Variants in LARGE1 observed in about 807,000 individuals in gnomAD.
The protein encoded by LARGE1 is LARGE xylosyl- and glucuronyltransferase 1, also known as xylosyl- and glucuronyltransferase LARGE1.
A neutral mutation model predicts 87.6 loss-of-function variants in LARGE1; 43 were observed. The ratio of observed to expected loss-of-function variants is 0.49; its 90% confidence interval spans 0.38 to 0.63. The LOEUF (loss-of-function observed/expected upper bound fraction) is 0.63, where lower values mean the gene tolerates loss of function less well. LARGE1 is among the 30% of genes least tolerant of loss of function. LARGE1 has a pLI of 0.00. For synonymous variants in LARGE1, 434 were observed against 394.6 expected (o/e 1.10, Z -1.18); for missense variants, 802 against 1,000.2 (o/e 0.80, Z 2.67).
intron 11 of LARGE1, among the ~76,000 whole-genome samples, chr22:33,170,117 C>A (rs1441965638): frequency 6.6e-6 from 1 of 152,010 alleles, no homozygotes; most frequent in Non-Finnish European, 1.5e-5. Context: ...GTGACACATG[C>A]CAGCACTTTG....
chr22:33,540,371 T>C (rs2077159117), intron 6 of LARGE1, among the ~76,000 whole-genome samples: 1 of 152,208 alleles, frequency 6.6e-6, no homozygotes, highest in African/African-American at 2.4e-5. Context: ...TGTGTGTGCT[T>C]GATCCTATGA....
chr22:33,166,779 G>A (rs1922297644), exon 12 of LARGE1: 1 of 471,424 alleles, frequency 2.1e-6, no homozygotes, highest in Non-Finnish European at 4.4e-6. Flanking sequence ...GCATGTGTTT[G>A]GAACTGTCGT....
chr22:33,806,208 T>C (rs1218361323), intron 1 of LARGE1, among the ~76,000 whole-genome samples: 1 of 152,194 alleles, frequency 6.6e-6, no homozygotes, highest in African/African-American at 2.4e-5. Flanking sequence ...ATCTCTTGTA[T>C]CTGACTTCTT....
intron 11 of LARGE1, among the ~76,000 whole-genome samples, chr22:33,254,424 G>T (rs1224143123): frequency 6.6e-6 from 1 of 152,188 alleles, no homozygotes; most frequent in Non-Finnish European, 1.5e-5. Flanking sequence ...GAGGTTGTGG[G>T]TCAGAGTTCC....
intron 1 of LARGE1, among the ~76,000 whole-genome samples, chr22:33,862,747 C>A (rs2063969451): frequency 6.6e-6 from 1 of 152,112 alleles, no homozygotes; most frequent in African/African-American, 2.4e-5. Context: ...AACATAAGTT[C>A]TTCTTGTGAG....
intron 2 of LARGE1, among the ~76,000 whole-genome samples, chr22:33,710,862 G>A (rs1335865292): frequency 6.6e-6 from 1 of 152,134 alleles, no homozygotes; most frequent in Admixed American, 6.5e-5. Context: ...GGGCATTAGA[G>A]TACACGATAA....
the LARGE1 span, among the ~76,000 whole-genome samples, chr22:33,143,810 TAAAC>T: frequency 6.6e-6 from 1 of 152,178 alleles, no homozygotes; most frequent in East Asian, 1.9e-4. Flanking sequence ...CATTAGTACA[TAAAC>T]AAGAGTATGA....
intron 11 of LARGE1, among the ~76,000 whole-genome samples, chr22:33,258,786 TGG>T (rs1353420494): frequency 1.3e-5 from 2 of 152,184 alleles, no homozygotes; most frequent in Non-Finnish European, 2.9e-5. Context: ...TTACCTCTCT[TGG>T]GGTCTGGATC....
intron 1 of LARGE1, among the ~76,000 whole-genome samples, chr22:33,845,166 T>C (rs1006855603): frequency 6.6e-5 from 10 of 152,288 alleles, no homozygotes; most frequent in Non-Finnish European, 1.3e-4. Context: ...TGAGTCTCTC[T>C]CCCTTACCTC....
chr22:33,226,254 A>G (rs1360585580), intron 11 of LARGE1, among the ~76,000 whole-genome samples: 1 of 152,160 alleles, frequency 6.6e-6, no homozygotes, highest in Non-Finnish European at 1.5e-5. Flanking sequence ...TTGCCTTGAA[A>G]TCATGTCTCT....
intron 5 of LARGE1, among the ~76,000 whole-genome samples, chr22:33,569,464 A>C (rs752905453): frequency 1.2e-4 from 18 of 152,248 alleles, no homozygotes; most frequent in Non-Finnish European, 1.9e-4. Flanking sequence ...AATTAAGTCC[A>C]AGTGTTCAAT....
intron 3 of LARGE1, among the ~76,000 whole-genome samples, chr22:33,639,806 T>C (rs1458319457): frequency 6.6e-6 from 1 of 152,156 alleles, no homozygotes; most frequent in East Asian, 1.9e-4. Flanking sequence ...CTGCTCCAAC[T>C]TCTGAGGCAC....
chr22:33,300,730 T>A (rs528323038), intron 12 of LARGE1, among the ~76,000 whole-genome samples: 3 of 152,186 alleles, frequency 2.0e-5, no homozygotes, highest in African/African-American at 7.2e-5. Flanking sequence ...TCAGTAGAGA[T>A]GGGGTTTCAC....
chr22:33,190,689 G>C (rs144129971), intron 11 of LARGE1, among the ~76,000 whole-genome samples: 1 of 152,286 alleles, frequency 6.6e-6, no homozygotes, highest in Admixed American at 6.5e-5. Context: ...GCAGATCTTG[G>C]TGGGGATGAA....
At chr22:33,611,943 C>G (rs1200216329) in intron 4 of LARGE1, among the ~76,000 whole-genome samples, 1 of 152,180 alleles carries the variant, frequency 6.6e-6, no homozygotes, top group Non-Finnish European at 1.5e-5. Flanking sequence ...CCTACTTTCA[C>G]CATGTGATGT....
At chr22:33,794,873 G>A (rs372433894) in intron 1 of LARGE1, among the ~76,000 whole-genome samples, 37 of 152,086 alleles carry the variant, frequency 2.4e-4, no homozygotes, top group African/African-American at 7.9e-4. Flanking sequence ...GTCTGCCTCC[G>A]CCTCCCAAAG....
chr22:33,616,893 G>C (rs907269143), intron 4 of LARGE1, among the ~76,000 whole-genome samples: 1 of 152,220 alleles, frequency 6.6e-6, no homozygotes, highest in African/African-American at 2.4e-5. Context: ...ACTGAGGATA[G>C]TTGCACAATT....
intron 3 of LARGE1, among the ~76,000 whole-genome samples, chr22:33,634,079 T>C (rs1347688667): frequency 2.0e-5 from 3 of 152,212 alleles, no homozygotes; most frequent in African/African-American, 7.2e-5. Flanking sequence ...TGCAAGAAAG[T>C]GCCCCTAATA....
chr22:33,792,010 G>A (rs2085838937), intron 1 of LARGE1, among the ~76,000 whole-genome samples: 1 of 152,160 alleles, frequency 6.6e-6, no homozygotes. Context: ...TTCTATGTGA[G>A]AAATAGATGC....
Sources: allele counts gnomAD v4.1 joint callset (sites outside exome capture counted in the v4.1 genomes callset), GRCh38; gene constraint gnomAD v4.1.1; transcripts MANE v1.5; gene names NCBI Gene and HGNC (gene_info 2026-07-23, HGNC 2026-07-21).